The following DMGDH variants were observed in gnomAD, a reference collection of about 807,000 sequenced individuals.
DMGDH encodes dimethylglycine dehydrogenase, mitochondrial.
In DMGDH, 76 loss-of-function variants were observed where a neutral mutation model predicts 95.2. The ratio of observed to expected loss-of-function variants is 0.80; its 90% confidence interval spans 0.66 to 0.97. The LOEUF is 0.97. Ranked by LOEUF, DMGDH falls within the 50% of genes least tolerant of loss-of-function variation. The pLI is 0.00. For synonymous variants in DMGDH, 345 were observed against 377.6 expected, an observed-to-expected ratio of 0.91 and a Z score of 1.00; for missense variants, 987 against 1,055.0, an observed-to-expected ratio of 0.94 and a Z score of 0.89.
At chr5:79,000,832 G>A (rs1024530283) in intron 15 of DMGDH, 6 of 631,010 alleles carry the variant, frequency 9.5e-6, no homozygotes, top group Non-Finnish European at 1.7e-5. Context: ...AACCAGATGG[G>A]GTGGCCACAT....
chr5:79,053,716 A>G (rs1319591950), intron 4 of DMGDH, among the ~76,000 whole-genome samples: 1 of 152,212 alleles, frequency 6.6e-6, no homozygotes, highest in Non-Finnish European at 1.5e-5. Context: ...ATAAATCTAG[A>G]TCCGTACCTA....
intron 5 of DMGDH, among the ~76,000 whole-genome samples, chr5:79,049,088 G>A (rs59262172): frequency 0.024 from 3,674 of 152,160 alleles, 157 homozygotes; most frequent in African/African-American, 0.085. Flanking sequence ...TTCCAGGCTC[G>A]TACGAGACAA....
At chr5:79,023,222 G>A (rs1452432921) in intron 14 of DMGDH, among the ~76,000 whole-genome samples, 2 of 152,114 alleles carry the variant, frequency 1.3e-5, no homozygotes, top group Non-Finnish European at 2.9e-5. Flanking sequence ...CCACAGGATG[G>A]GAAATCAGTC....
At chr5:79,053,786 C>T (rs1754938178) in intron 4 of DMGDH, among the ~76,000 whole-genome samples, 1 of 152,154 alleles carries the variant, frequency 6.6e-6, no homozygotes, top group Non-Finnish European at 1.5e-5. Context: ...GAGCAACGTA[C>T]CATGGCATTT....
intron 14 of DMGDH, among the ~76,000 whole-genome samples, chr5:79,009,878 C>T (rs2112603183): frequency 1.3e-5 from 2 of 152,262 alleles, no homozygotes; most frequent in South Asian, 4.1e-4. Context: ...GAAAATGTGT[C>T]TGAAGGTTAA....
chr5:79,067,013 G>T (rs2112682645), intron 1 of DMGDH, among the ~76,000 whole-genome samples: 1 of 152,184 alleles, frequency 6.6e-6, no homozygotes, highest in South Asian at 2.1e-4. Flanking sequence ...ACCCTTGTTT[G>T]TTGGTTGTTT....
In DMGDH at chr5:79,030,761, T is replaced by C. The variant is rs1580201076; in HGVS notation, c.1683+72A>G. 11 of 1,536,948 alleles carry C rather than the reference T, an allele frequency of 7.2e-6. No individual in the cohort carries two copies. The East Asian group carries it at 2.5e-4, about 35-fold the overall frequency. On this transcript the variant is annotated intron_variant, in intron 10 of 15. Transcript: ENST00000255189. ...TTCATCCAGAAATCATTAGGTGAAC[T>C]AAAATAACATATGGGATGAAGAATT...
Position 78,999,625 on chromosome 5 carries a change from G to C in DMGDH, c.2386-1328C>G, listed in dbSNP as rs574120150. The stretch of plus-strand genomic sequence containing the variant: ...TGGGATTACAGGCATGAGCCACCAC[G>C]CCCGGCTGTTCTCCATATGATTTCT... On this transcript the variant is annotated intron_variant, in intron 15 of 15. Transcript: ENST00000255189. Among the ~76,000 whole-genome samples, 3 of 152,282 alleles carry C rather than the reference G, an allele frequency of 2.0e-5. No homozygotes were observed. The South Asian group carries it at 6.2e-4, about 32-fold the overall frequency.
chr5:79,021,783 A>C, intron 14 of DMGDH: 1 of 1,174,934 alleles, frequency 8.5e-7, no homozygotes, highest in Non-Finnish European at 1.1e-6. Context: ...AGAGAGAGAA[A>C]TTCTTGGGCA....
chr5:79,056,585 G>A (rs1490021326), intron 2 of DMGDH, among the ~76,000 whole-genome samples: 2 of 150,806 alleles, frequency 1.3e-5, no homozygotes, highest in Non-Finnish European at 2.9e-5. Context: ...CAGGCGTGGT[G>A]GCTCATGCCT....
chr5:79,044,245 C>T, intron 6 of DMGDH, 59 bp downstream of exon 6: 1 of 1,609,972 alleles, frequency 6.2e-7, no homozygotes, highest in South Asian at 1.1e-5. Flanking sequence ...ATCCTCCAGC[C>T]ATGGAGAGGA....
In DMGDH at chr5:79,051,267, C is replaced by CA; in HGVS notation, c.745+19dup. 1.2e-6 allele frequency: 2 copies of CA among 1,613,182 alleles called. No homozygotes were observed. Among genetic ancestry groups the CA allele is most frequent in the South Asian group, 1.1e-5 (1 of 91,032 alleles). On this transcript the variant is annotated intron_variant, in intron 5 of 15. Transcript: ENST00000255189. The stretch of plus-strand genomic sequence containing the variant: ...TTTGGCACTTAAAAAACACTAATTT[C>CA]AAAAAAATGATATGCTTACCTGCAG...
chr5:79,026,599 G>C lies in DMGDH; in HGVS notation c.2033-18C>G. 6.2e-7 allele frequency: 1 copy of C among 1,613,992 alleles called. No individual in the cohort carries two copies. The highest frequency in any genetic ancestry group is 8.5e-7 in the Non-Finnish European group (1 of 1,179,958). On this transcript the variant is annotated intron_variant, in intron 12 of 15. Coordinates refer to ENST00000255189, the MANE Select transcript of DMGDH (RefSeq NM_013391.3). Reference sequence around the variant, plus strand: ...CAGCTCACCTGAAATAAACCCACAGGTGCCACAGCAGGGCAAGAACAATGA... The same window carrying C: ...CAGCTCACCTGAAATAAACCCACAGCTGCCACAGCAGGGCAAGAACAATGA...
At chr5:79,035,053 T>A (rs1332390208) in intron 7 of DMGDH, among the ~76,000 whole-genome samples, 1 of 28,826 alleles carries the variant, frequency 3.5e-5, no homozygotes, top group Non-Finnish European at 6.4e-5. Flanking sequence ...CGAGACTCCA[T>A]CTCAAAAAAA....
Position 79,051,442 on chromosome 5 carries a change from G to A in DMGDH, c.590C>T (p.Ser197Phe), listed in dbSNP as rs780903944. 1 of 1,614,122 alleles carries A rather than the reference G, an allele frequency of 6.2e-7. No homozygotes were observed. The highest frequency in any genetic ancestry group is 8.5e-7 in the Non-Finnish European group (1 of 1,180,018). The change falls in exon 5 of 16, where the codon TCT becomes TTT. Residue 197 changes from serine (S) to phenylalanine (F), a missense_variant. Coordinates refer to ENST00000255189, the MANE Select transcript of DMGDH (RefSeq NM_013391.3). ...NPGDGHIDPY[S>F]LTMALAAGAR... ...CCCAGCAGCCAGTGCCATAGTTAGA[G>A]AATAAGGATCAATGTGACCATCTCC... is the stretch of plus-strand genomic sequence containing the variant.
intron 14 of DMGDH, among the ~76,000 whole-genome samples, chr5:79,013,029 A>G (rs1316712424): frequency 2.6e-5 from 4 of 152,156 alleles, no homozygotes; most frequent in African/African-American, 4.8e-5. Context: ...TCCCCAGAAA[A>G]TGGGCTTTTC....
chr5:78,998,046 GC>G lies in DMGDH; in HGVS notation c.*35del, dbSNP rs1228431978. ...ATAATAATTTCAAGGACAGTCATTA[GC>G]AACTCTAATTCAGTTGACTGCTGAA... On this transcript the variant is annotated 3_prime_UTR_variant, in exon 16 of 16. Coordinates refer to ENST00000255189, the MANE Select transcript of DMGDH (RefSeq NM_013391.3). 2.5e-6 allele frequency: 4 copies of G among 1,602,170 alleles called. No individual in the cohort carries two copies. The East Asian group carries it at 8.9e-5, about 36-fold the overall frequency.
intron 14 of DMGDH, among the ~76,000 whole-genome samples, chr5:79,019,334 C>A (rs1753806848): frequency 6.6e-6 from 1 of 152,112 alleles, no homozygotes; most frequent in Admixed American, 6.6e-5. Flanking sequence ...ATCCTTTCCA[C>A]CACAGTTCTA....
intron 14 of DMGDH, among the ~76,000 whole-genome samples, chr5:79,023,467 A>G (rs934267899): frequency 2.0e-5 from 3 of 152,216 alleles, no homozygotes; most frequent in African/African-American, 7.2e-5. Context: ...CTTTTCCACT[A>G]TAATTATTTA....
Sources: allele counts gnomAD v4.1 joint callset (sites outside exome capture counted in the v4.1 genomes callset), GRCh38; gene constraint gnomAD v4.1.1; transcripts MANE v1.5; gene names NCBI Gene and HGNC (gene_info 2026-07-23, HGNC 2026-07-21).